TMEM127: variants seen among roughly 807,000 people sequenced by gnomAD.
TMEM127 encodes transmembrane protein 127.
Under a neutral mutation model 20.1 loss-of-function variants are expected in TMEM127, and 21 were observed. The ratio of observed to expected loss-of-function variants is 1.04; its 90% CI spans 0.74 to 1.50. The LOEUF (loss-of-function observed/expected upper bound fraction) is 1.50. TMEM127 is among the 40% of genes most tolerant of loss of function. TMEM127 has a pLI of 0.00. For synonymous variants in TMEM127, 150 were observed against 144.7 expected, an observed-to-expected ratio of 1.04 and a Z score of -0.26; for missense variants, 303 against 317.4, an observed-to-expected ratio of 0.95 and a Z score of 0.34.
chr2:96,256,571 CAAA>C (rs1234363746), intron 2 of TMEM127, among the ~76,000 whole-genome samples: 6 of 54,636 alleles, frequency 1.1e-4, no homozygotes, highest in Admixed American at 2.0e-4. Flanking sequence ...AACTCTGTCT[CAAA>C]AAAAAAAAAA....
At chr2:96,256,047 C>A (rs568962636) in intron 2 of TMEM127, among the ~76,000 whole-genome samples, 1 of 151,880 alleles carries the variant, frequency 6.6e-6, no homozygotes, top group South Asian at 2.1e-4. Context: ...CCGAGGCGGG[C>A]AGATCACGAG....
chr2:96,253,737 G>C lies in TMEM127; in HGVS notation c.*71C>G. On this transcript the variant is annotated 3_prime_UTR_variant, in exon 4 of 4. Coordinates refer to ENST00000258439, the MANE Select transcript of TMEM127 (RefSeq NM_017849.4). This position sits in a 1 kb window ranked among gnomAD's most constrained non-coding sequence, Gnocchi z 4.3. ...CCAGTGAGGCCTGCTGGGGAAAGGA[G>C]CTCCTCTGGGTGCGAGAGGAGCTGC... is the stretch of plus-strand genomic sequence containing the variant. 4.6e-6 allele frequency: 7 copies of C among 1,517,326 alleles called. No individual in the cohort carries two copies. The highest frequency in any genetic ancestry group is 6.2e-6 in the Non-Finnish European group (7 of 1,121,244). The allele number at this position is 1,517,326 out of a possible 1,614,324, so 94.0% of individuals were successfully genotyped here.
chr2:96,259,828 C>G (rs1372331547), intron 2 of TMEM127, among the ~76,000 whole-genome samples: 1 of 152,230 alleles, frequency 6.6e-6, no homozygotes, highest in African/African-American at 2.4e-5. Flanking sequence ...TGACACCGTG[C>G]CCATGAAAGA....
intron 2 of TMEM127, among the ~76,000 whole-genome samples, chr2:96,256,427 C>T (rs931480933): frequency 1.2e-4 from 18 of 150,556 alleles, no homozygotes; most frequent in African/African-American, 3.2e-4. Flanking sequence ...CAAAATTAGC[C>T]GGGCGTGGTG....
intron 2 of TMEM127, among the ~76,000 whole-genome samples, chr2:96,257,446 G>C (rs1467472084): frequency 6.6e-6 from 1 of 151,866 alleles, no homozygotes; most frequent in East Asian, 2.0e-4. Context: ...TGGCGACAGA[G>C]CGAGACTCCA....
At position 96,250,283 on chromosome 2, in the gene TMEM127, A is replaced by G. The variant is rs1684060499; in HGVS notation, c.*3525T>C. The G allele has an allele frequency of 1.3e-5, 3 of 232,838 alleles. No individual in the cohort carries two copies. Among genetic ancestry groups the G allele is most frequent in the East Asian group, 6.0e-5 (1 of 16,532 alleles). The allele number at this position is 232,838 out of a possible 1,614,324, so 14.4% of individuals were successfully genotyped here. A position where few individuals can be genotyped will look rare whatever the true frequency, so the allele number is the denominator to read the frequency against. On this transcript the variant is annotated 3_prime_UTR_variant, in exon 4 of 4. Transcript: ENST00000258439. ...CCACCAGTGTGCTTTTGCTCTTGCC[A>G]TTCTCTCAGCAGGAGTGTCCCTATC...
In TMEM127 at chr2:96,253,400, G is replaced by C; in HGVS notation, c.*408C>G. ...AGCTGTGGAGCAAACACTGATCCCT[G>C]TGAAGTGAGCCTCCAGGGCACAGTC... On this transcript the variant is annotated 3_prime_UTR_variant, in exon 4 of 4. Transcript: ENST00000258439. This position sits in a 1 kb window ranked among gnomAD's most constrained non-coding sequence, Gnocchi z 4.3. The C allele has an allele frequency of 3.5e-6, 1 of 283,860 alleles. No individual in the cohort carries two copies. Among genetic ancestry groups the C allele is most frequent in the East Asian group, 5.2e-5 (1 of 19,378 alleles). 17.6% of individuals were successfully genotyped at this position (283,860 alleles called of 1,614,324 possible). A position where few individuals can be genotyped will look rare whatever the true frequency, so the allele number is the denominator to read the frequency against.
rs1035542190 is a variant in TMEM127, at chr2:96,250,602, C to G, written c.*3206G>C. The G allele has an allele frequency of 4.3e-6, 1 of 231,966 alleles. No homozygotes were observed. The highest frequency in any genetic ancestry group is 2.2e-5 in the African/African-American group (1 of 45,340). The allele number at this position is 231,966 out of a possible 1,614,324, so 14.4% of individuals were successfully genotyped here. ...CAAGAAAGATGTGTATTCTCCCTAA[C>G]AACAACAAAAGAGACCTAAATGGGC... is the stretch of plus-strand genomic sequence containing the variant. On this transcript the variant is annotated 3_prime_UTR_variant, in exon 4 of 4. Transcript: ENST00000258439.
In TMEM127 at chr2:96,255,810, T is replaced by C. The variant is rs192005591; in HGVS notation, c.245-813A>G. On this transcript the variant is annotated intron_variant, in intron 2 of 3. Transcript: ENST00000258439. ...CTGGGCAACATAGTGAGACCCCGTCTCTTTGAGGAAAAAAAAAAAATTAGC... is the reference window on the plus strand; with the variant it reads ...CTGGGCAACATAGTGAGACCCCGTCCCTTTGAGGAAAAAAAAAAAATTAGC... 1.1e-3 allele frequency among the ~76,000 whole-genome samples: 162 copies of C among 152,072 alleles called. 1 individual carries two copies. The highest frequency in any genetic ancestry group is 3.7e-3 in the African/African-American group (152 of 41,492).
rs1472389137 is a variant in TMEM127 at position 96,248,787 on chromosome 2, C to G, written c.*5021G>C. ...AGGCCCTGCACCTTCAGGCCCCATT[C>G]TCAGACACCTGTACAACCCCTTAAG... On this transcript the variant is annotated 3_prime_UTR_variant, in exon 4 of 4. Coordinates refer to ENST00000258439, the MANE Select transcript of TMEM127 (RefSeq NM_017849.4). The G allele has an allele frequency of 4.3e-6, 1 of 231,784 alleles. No homozygotes were observed. The highest frequency in any genetic ancestry group is 2.2e-5 in the African/African-American group (1 of 45,234). The allele number at this position is 231,784 out of a possible 1,614,324, so 14.4% of individuals were successfully genotyped here.
At position 96,249,581 on chromosome 2, in the gene TMEM127, G is replaced by GT. The variant is rs1684046083; in HGVS notation, c.*4226_*4227insA. Reference sequence around the variant, plus strand: ...GAGACCAGCCTGGGCAACATGGTGAGACTGTCTCTACCCACCCCCACAAAA... The same window carrying GT: ...GAGACCAGCCTGGGCAACATGGTGAGTACTGTCTCTACCCACCCCCACAAAA... On this transcript the variant is annotated 3_prime_UTR_variant, in exon 4 of 4. Transcript: ENST00000258439. 1 of 231,038 alleles carries GT rather than the reference G, an allele frequency of 4.3e-6. No individual in the cohort carries two copies. 14.3% of individuals were successfully genotyped at this position (231,038 alleles called of 1,614,324 possible). A position where few individuals can be genotyped will look rare whatever the true frequency, so the allele number is the denominator to read the frequency against.
rs71301417 is a variant in TMEM127, at chr2:96,249,091, G to GGTGT, written c.*4713_*4716dup. On this transcript the variant is annotated 3_prime_UTR_variant, in exon 4 of 4. Coordinates refer to ENST00000258439, the MANE Select transcript of TMEM127 (RefSeq NM_017849.4). ...GTGAGGAACCTGTGTGTGTGTGTGT[G>GGTGT]GTGTGTGTGTGTGTGTGTGTGTGTG... 0.043 allele frequency: 9,487 copies of GGTGT among 219,858 alleles called. 278 individuals are homozygous for GGTGT. The highest frequency in any genetic ancestry group is 0.16 in the Admixed American group (2,718 of 16,972). 13.6% of individuals were successfully genotyped at this position (219,858 alleles called of 1,614,324 possible).
chr2:96,262,275 A>C (rs951752766), intron 2 of TMEM127, among the ~76,000 whole-genome samples: 6 of 151,716 alleles, frequency 4.0e-5, no homozygotes, highest in Non-Finnish European at 7.4e-5. Context: ...AAAAAAAAAA[A>C]AAAAAACTCT....
rs71301417 is a variant in TMEM127, at chr2:96,249,091, GGT to G, written c.*4715_*4716del. The G allele has an allele frequency of 0.041, 8,319 of 201,700 alleles. No homozygotes were observed. Among genetic ancestry groups the G allele is most frequent in the East Asian group, 0.092 (1,108 of 11,990 alleles). 12.5% of individuals were successfully genotyped at this position (201,700 alleles called of 1,614,324 possible). ...GTGAGGAACCTGTGTGTGTGTGTGT[GGT>G]GTGTGTGTGTGTGTGTGTGTGTGTT... On this transcript the variant is annotated 3_prime_UTR_variant, in exon 4 of 4. Coordinates refer to ENST00000258439, the MANE Select transcript of TMEM127 (RefSeq NM_017849.4).
rs754493061 is a variant in TMEM127 at position 96,265,252 on chromosome 2, G to A, written c.130C>T (p.Leu44=). ...GCGGGCTCGGCGAGGGCAGTGCACAGCGCCGTGATAGACAGGGCGCCAGGC... is the reference window on the plus strand; with the variant it reads ...GCGGGCTCGGCGAGGGCAGTGCACAACGCCGTGATAGACAGGGCGCCAGGC... The part of the protein sequence containing the change: ...ALPGALSITA[L]CTALAEPAWL... The change falls in exon 2 of 4, where the codon CTG becomes TTG. Residue 44 remains leucine, a synonymous_variant. Coordinates refer to ENST00000258439, the MANE Select transcript of TMEM127 (RefSeq NM_017849.4). 3.1e-6 allele frequency: 5 copies of A among 1,592,948 alleles called. No homozygotes were observed. The Admixed American group carries it at 6.9e-5, about 22-fold the overall frequency.
chr2:96,254,929 G>A lies in TMEM127; in HGVS notation c.313C>T (p.Leu105=), dbSNP rs754465684. The stretch of plus-strand genomic sequence containing the variant: ...AGAAGGAAAGCGGAGAGACTACACA[G>A]GATGCCCAGGAAACAGAAGGCGGCG... ...VIAAFCFLGI[L]CSLSAFLLDV... Residue 105 remains leucine, a synonymous_variant, in exon 3 of 4, where the codon CTG becomes TTG. Transcript: ENST00000258439. 5 of 1,614,124 alleles carry A rather than the reference G, an allele frequency of 3.1e-6. No individual in the cohort carries two copies. Among genetic ancestry groups the A allele is most frequent in the Non-Finnish European group, 4.2e-6 (5 of 1,180,046 alleles).
chr2:96,263,451 C>T (rs901653329), intron 2 of TMEM127, among the ~76,000 whole-genome samples: 18 of 151,826 alleles, frequency 1.2e-4, no homozygotes, highest in African/African-American at 4.1e-4. Context: ...CAACCTCGGC[C>T]TCCCAAGTTC....
chr2:96,248,633 G>A lies in TMEM127; in HGVS notation c.*5175C>T. 4.4e-6 allele frequency: 1 copy of A among 225,356 alleles called. No homozygotes were observed. The highest frequency in any genetic ancestry group is 1.8e-4 in the South Asian group (1 of 5,444). 14.0% of individuals were successfully genotyped at this position (225,356 alleles called of 1,614,324 possible). ...ACATATACTGAGAGACCCCCAAGAG[G>A]GAAGTGAAGCCATGGGGGCATCTGG... On this transcript the variant is annotated 3_prime_UTR_variant, in exon 4 of 4. Coordinates refer to ENST00000258439, the MANE Select transcript of TMEM127 (RefSeq NM_017849.4).
intron 2 of TMEM127, among the ~76,000 whole-genome samples, chr2:96,257,101 C>T (rs748204915): frequency 4.4e-4 from 67 of 152,324 alleles, no homozygotes; most frequent in Non-Finnish European, 8.2e-4. Context: ...ACAACAACCA[C>T]GCAGCAGACA....
Sources: allele counts gnomAD v4.1 joint callset (sites outside exome capture counted in the v4.1 genomes callset), GRCh38; gene constraint gnomAD v4.1.1; non-coding constraint Gnocchi (gnomAD v3.1); transcripts MANE v1.5; gene names NCBI Gene and HGNC (gene_info 2026-07-23, HGNC 2026-07-21).